AMPH: variants seen among roughly 807,000 people sequenced by gnomAD.
AMPH encodes the protein amphiphysin.
AMPH carries 49 observed loss-of-function variants against 99.1 expected under a neutral mutation model. That is an observed-to-expected ratio of 0.49 (90% CI 0.39 to 0.63). The LOEUF (loss-of-function observed/expected upper bound fraction) is 0.63. AMPH is among the 20% of genes least tolerant of loss of function. AMPH has a pLI of 0.00. For synonymous variants in AMPH, 314 were observed against 317.3 expected, an observed-to-expected ratio of 0.99 and a Z score of 0.11; for missense variants, 759 against 863.4, an observed-to-expected ratio of 0.88 and a Z score of 1.52.
chr7:38,503,819 A>C, intron 2 of AMPH, 115 bp from the exon 3 acceptor site: 1 of 1,017,244 alleles, frequency 9.8e-7, no homozygotes, highest in South Asian at 1.3e-5. Flanking sequence ...GGAAAAAAAC[A>C]TAAATATGTG....
intron 3 of AMPH, among the ~76,000 whole-genome samples, chr7:38,496,067 G>C (rs368096913): frequency 6.6e-6 from 1 of 152,252 alleles, no homozygotes; most frequent in African/African-American, 2.4e-5. Context: ...CACTACGGGG[G>C]ATAAAAGGGG....
At chr7:38,547,695 G>T (rs987956727) in intron 1 of AMPH, among the ~76,000 whole-genome samples, 6 of 152,078 alleles carry the variant, frequency 3.9e-5, no homozygotes, top group Admixed American at 2.0e-4. Context: ...GGCACAGCTT[G>T]GTTCTATACA....
intron 1 of AMPH, among the ~76,000 whole-genome samples, chr7:38,557,627 T>C (rs1584242827): frequency 6.6e-6 from 1 of 152,104 alleles, no homozygotes; most frequent in African/African-American, 2.4e-5. Flanking sequence ...AGTTTCCCAG[T>C]CTCTGGTATG....
Position 38,494,512 on chromosome 7 carries a change from G to A in AMPH, c.221C>T (p.Ser74Phe), listed in dbSNP as rs535127955. 3.1e-6 allele frequency: 5 copies of A among 1,613,798 alleles called. No individual in the cohort carries two copies. Among genetic ancestry groups the A allele is most frequent in the South Asian group, 1.1e-5 (1 of 91,076 alleles). ...LAAIKGMQEA[S>F]MKLTESLHEV... ...ATGCAGCGACTCTGTGAGCTTCATGGAGGCCTCCTGCATGCCTAGTGTTGG... is the reference window on the plus strand; with the variant it reads ...ATGCAGCGACTCTGTGAGCTTCATGAAGGCCTCCTGCATGCCTAGTGTTGG... The change falls in exon 4 of 21, where the codon TCC becomes TTC. Residue 74 changes from serine to phenylalanine, a missense_variant. By Grantham distance (155) the Ser-to-Phe change is radical. This residue lies in a region of AMPH where 205 missense variants were observed against 287.9 expected (regional missense o/e 0.71). Transcript: ENST00000356264.
chr7:38,400,124 G>A (rs1784801477), intron 17 of AMPH, among the ~76,000 whole-genome samples: 1 of 152,108 alleles, frequency 6.6e-6, no homozygotes, highest in Non-Finnish European at 1.5e-5. Context: ...TGCCCAGGCT[G>A]GAGTGCAATG....
intron 5 of AMPH, among the ~76,000 whole-genome samples, chr7:38,488,534 A>C (rs896217611): frequency 5.5e-5 from 3 of 54,170 alleles, no homozygotes; most frequent in East Asian, 5.8e-4. Flanking sequence ...GTGGGGGGCT[A>C]GGGGAGGGAT....
At chr7:38,493,932 C>G (rs1788823239) in intron 4 of AMPH, among the ~76,000 whole-genome samples, 1 of 152,084 alleles carries the variant, frequency 6.6e-6, no homozygotes, top group African/African-American at 2.4e-5. Flanking sequence ...GCTCTCTACC[C>G]AAGTGGTTTT....
chr7:38,585,745 G>T (rs1792622653), intron 1 of AMPH, among the ~76,000 whole-genome samples: 1 of 152,192 alleles, frequency 6.6e-6, no homozygotes, highest in Non-Finnish European at 1.5e-5. Flanking sequence ...TGCAGCAAGG[G>T]CTATTTTTGA....
intron 17 of AMPH, among the ~76,000 whole-genome samples, chr7:38,400,491 T>C (rs1784811665): frequency 6.6e-6 from 1 of 152,222 alleles, no homozygotes. Context: ...TTAGCAAAAT[T>C]TTCTGGAAAT....
At chr7:38,490,700 T>G (rs1008394614) in intron 5 of AMPH, among the ~76,000 whole-genome samples, 1 of 152,174 alleles carries the variant, frequency 6.6e-6, no homozygotes, top group Non-Finnish European at 1.5e-5. Flanking sequence ...GACCACTGGT[T>G]ATTCTAATGG....
intron 19 of AMPH, among the ~76,000 whole-genome samples, chr7:38,391,014 A>AGAGAGG (rs1784478179): frequency 1.1e-5 from 1 of 89,950 alleles, no homozygotes; most frequent in South Asian, 3.7e-4. Context: ...AGAGAGAGAG[A>AGAGAGG]GAATGATACA....
At chr7:38,527,656 T>C (rs1334575536) in intron 2 of AMPH, among the ~76,000 whole-genome samples, 1 of 152,306 alleles carries the variant, frequency 6.6e-6, no homozygotes, top group East Asian at 1.9e-4. Context: ...CGTCTTGGGA[T>C]TTTCTATGTA....
chr7:38,428,596 T>G, intron 14 of AMPH: 2 of 456,674 alleles, frequency 4.4e-6, no homozygotes, highest in Non-Finnish European at 8.8e-6. Context: ...TCTATTGCAT[T>G]TTTCTTTATG....
At position 38,391,849 on chromosome 7, in the gene AMPH, CCTGGATAGGCTTCTG is replaced by C. The variant is rs776397046; in HGVS notation, c.1762_1776del (p.Gln588_Gln592del). On this transcript the variant is annotated inframe_deletion, in exon 19 of 21. Transcript: ENST00000356264. The stretch of plus-strand genomic sequence containing the variant: ...GGTGCAGAAGGCGTGGGCTGAGGGT[CCTGGATAGGCTTCTG>C]CTCCGTAGCCAGCTCCGGTGTCTCG... 6.2e-7 allele frequency: 1 copy of C among 1,613,158 alleles called. No individual in the cohort carries two copies. Among genetic ancestry groups the C allele is most frequent in the African/African-American group, 1.3e-5 (1 of 74,996 alleles).
chr7:38,561,016 C>T (rs1791535621), intron 1 of AMPH, among the ~76,000 whole-genome samples: 1 of 152,216 alleles, frequency 6.6e-6, no homozygotes, highest in Non-Finnish European at 1.5e-5. Context: ...TTAACTCTTT[C>T]ACTAGGAAAA....
At chr7:38,479,009 T>C (rs1788190749) in intron 5 of AMPH, among the ~76,000 whole-genome samples, 1 of 152,070 alleles carries the variant, frequency 6.6e-6, no homozygotes, top group Non-Finnish European at 1.5e-5. Flanking sequence ...CATAATATAA[T>C]TGAGGTCTCA....
At chr7:38,600,088 A>G (rs1283261602) in intron 1 of AMPH, among the ~76,000 whole-genome samples, 1 of 152,144 alleles carries the variant, frequency 6.6e-6, no homozygotes, top group African/African-American at 2.4e-5. Flanking sequence ...AGAGGTAACA[A>G]GGTTTTTAAA....
intron 11 of AMPH, among the ~76,000 whole-genome samples, chr7:38,438,296 A>G (rs770927357): frequency 2.0e-5 from 3 of 152,292 alleles, no homozygotes; most frequent in Non-Finnish European, 4.4e-5. Flanking sequence ...TTTCAAATAT[A>G]ATCCTTACAA....
intron 2 of AMPH, among the ~76,000 whole-genome samples, chr7:38,504,210 T>C (rs572979466): frequency 2.6e-5 from 4 of 152,356 alleles, no homozygotes; most frequent in Admixed American, 6.5e-5. Flanking sequence ...TTTGGGTATA[T>C]TGAGTTAAAC....
Sources: gnomAD v4.1 joint callset for allele counts (sites outside exome capture counted in the v4.1 genomes callset) on GRCh38, gnomAD v4.1.1 for gene constraint, gnomAD v4.1.1 regional missense constraint, MANE v1.5 for transcripts, NCBI Gene and HGNC (gene_info 2026-07-23, HGNC 2026-07-21) for gene names.